Variants in RGS6 observed in about 807,000 individuals in gnomAD.
RGS6 encodes the protein regulator of G-protein signaling 6.
Under a neutral mutation model 78.5 loss-of-function variants are expected in RGS6, and 30 were observed. The observed-to-expected ratio is 0.38, with a 90% confidence interval of 0.29 to 0.52. The LOEUF is 0.52. Ranked by LOEUF, RGS6 falls within the 20% of genes least tolerant of loss-of-function variation. The pLI is 0.85. For missense variants in RGS6, 495 were observed against 609.7 expected, an observed-to-expected ratio of 0.81 and a Z score of 1.98; for synonymous variants, 206 against 206.0, an observed-to-expected ratio of 1.00 and a Z score of 0.00.
At position 72,565,395 on chromosome 14, in the gene RGS6, C is replaced by T. The variant is rs3742843; in HGVS notation, c.*2928C>T. 0.13 allele frequency: 19,839 copies of T among 152,308 alleles called. 1,399 individuals carry two copies. The highest frequency in any genetic ancestry group is 0.28 in the South Asian group (1,363 of 4,816). The allele number at this position is 152,308 out of a possible 1,614,324, so 9.4% of individuals were successfully genotyped here. On this transcript the variant is annotated 3_prime_UTR_variant, in exon 18 of 18. Coordinates refer to ENST00000553525, the MANE Select transcript of RGS6 (RefSeq NM_001204424.2). ...AAGCTTGTAGGCTGGCACATATAAA[C>T]GTCCAGCCGCAGCCAGATGGCCTGA...
intron 3 of RGS6, among the ~76,000 whole-genome samples, chr14:72,359,946 G>T (rs1420998933): frequency 6.6e-6 from 1 of 152,150 alleles, no homozygotes; most frequent in Non-Finnish European, 1.5e-5. Context: ...GTGATTCGAG[G>T]TGCTAAGACA....
intron 15 of RGS6, among the ~76,000 whole-genome samples, chr14:72,523,907 C>T (rs2097086718): frequency 6.6e-6 from 1 of 152,096 alleles, no homozygotes; most frequent in East Asian, 1.9e-4. Flanking sequence ...CCTTAAAGGA[C>T]CTGCATTGTC....
At chr14:72,028,027 G>C (rs1050485587) in intron 2 of RGS6, among the ~76,000 whole-genome samples, 3 of 152,228 alleles carry the variant, frequency 2.0e-5, no homozygotes, top group African/African-American at 7.2e-5. Flanking sequence ...GGGTGACTGC[G>C]TGTTTGTGCT....
At chr14:71,995,390 G>T (rs1209065444) in intron 2 of RGS6, among the ~76,000 whole-genome samples, 4 of 152,206 alleles carry the variant, frequency 2.6e-5, no homozygotes, top group Non-Finnish European at 5.9e-5. Context: ...CAGACCCTGT[G>T]GGCATTGGAG....
intron 17 of RGS6, chr14:72,540,737 G>A (rs185596127): frequency 2.5e-5 from 32 of 1,291,530 alleles, no homozygotes; most frequent in African/African-American, 7.5e-5. Flanking sequence ...GAATCCCTGC[G>A]GTGTCCTGGG....
intron 3 of RGS6, among the ~76,000 whole-genome samples, chr14:72,372,407 A>C (rs2083691644): frequency 6.6e-6 from 1 of 152,272 alleles, no homozygotes; most frequent in Non-Finnish European, 1.5e-5. Context: ...AGATCCAAGA[A>C]GGAAATCATT....
chr14:71,936,030 A>ATATATATATATATATATATATG (rs1555390437), intron 1 of RGS6, among the ~76,000 whole-genome samples: 20 of 133,214 alleles, frequency 1.5e-4, no homozygotes, highest in African/African-American at 5.3e-4. Flanking sequence ...ATATATATAT[A>ATATATATATATATATATATATG]TATATATATA....
chr14:72,415,242 G>A (rs903903995), intron 3 of RGS6, among the ~76,000 whole-genome samples: 21 of 152,236 alleles, frequency 1.4e-4, no homozygotes, highest in Non-Finnish European at 2.9e-4. Context: ...GGCAATGGCG[G>A]GTGCCCCTCC....
At chr14:72,618,627 T>C in the RGS6 span, among the ~76,000 whole-genome samples, 1 of 152,110 alleles carries the variant, frequency 6.6e-6, no homozygotes, top group Admixed American at 6.6e-5. Context: ...TTTCCTCCCA[T>C]GTCTCTGCGC....
intron 17 of RGS6, among the ~76,000 whole-genome samples, chr14:72,543,294 C>T (rs1008014041): frequency 2.6e-5 from 4 of 152,192 alleles, no homozygotes; most frequent in Non-Finnish European, 5.9e-5. Context: ...TATTGATCCT[C>T]AGCTGCCCTG....
intron 15 of RGS6, among the ~76,000 whole-genome samples, chr14:72,528,737 C>T (rs1053419165): frequency 6.6e-6 from 1 of 152,194 alleles, no homozygotes; most frequent in Admixed American, 6.5e-5. Context: ...AGAGAGCACG[C>T]GGGCCAGCAC....
At chr14:72,535,688 C>T (rs2097241205) in intron 15 of RGS6, among the ~76,000 whole-genome samples, 1 of 152,206 alleles carries the variant, frequency 6.6e-6, no homozygotes, top group South Asian at 2.1e-4. Flanking sequence ...ATAACCACAC[C>T]TCCCTTGCTC....
chr14:72,519,776 G>A lies in RGS6; in HGVS notation c.1278+1239G>A, dbSNP rs574052502. ...TGCTTTCAAGCACCATATTGACATGGCCAGAGAGGAGAGTGACAGGGGAGT... is the reference window on the plus strand; with the variant it reads ...TGCTTTCAAGCACCATATTGACATGACCAGAGAGGAGAGTGACAGGGGAGT... On this transcript the variant is annotated intron_variant, in intron 15 of 17. Coordinates refer to ENST00000553525, the MANE Select transcript of RGS6 (RefSeq NM_001204424.2). Among the ~76,000 whole-genome samples, 4 of 152,254 alleles carry A rather than the reference G, an allele frequency of 2.6e-5. No homozygotes were observed. In the South Asian group the frequency reaches 6.2e-4, roughly 24 times the overall value.
intron 17 of RGS6, among the ~76,000 whole-genome samples, chr14:72,542,524 C>A (rs867286448): frequency 4.6e-5 from 7 of 152,240 alleles, no homozygotes; most frequent in Non-Finnish European, 1.5e-5. Flanking sequence ...AGTTCAATAG[C>A]ATTCCTGTGT....
intron 3 of RGS6, among the ~76,000 whole-genome samples, chr14:72,417,164 G>A (rs2093875018): frequency 6.6e-6 from 1 of 152,218 alleles, no homozygotes; most frequent in South Asian, 2.1e-4. Flanking sequence ...GGTTTCTTCA[G>A]CGCTCCCTGC....
At chr14:72,578,335 C>A in the RGS6 span, among the ~76,000 whole-genome samples, 1 of 152,158 alleles carries the variant, frequency 6.6e-6, no homozygotes, top group Non-Finnish European at 1.5e-5. Context: ...AGGAGGCAAC[C>A]TCTAACCCTC....
chr14:72,140,874 TC>T (rs2096529929), intron 2 of RGS6, among the ~76,000 whole-genome samples: 1 of 152,246 alleles, frequency 6.6e-6, no homozygotes, highest in African/African-American at 2.4e-5. Flanking sequence ...CTGCTGGTGT[TC>T]CTGTCATTCA....
intron 13 of RGS6, among the ~76,000 whole-genome samples, chr14:72,509,787 T>C (rs1490347500): frequency 6.6e-6 from 1 of 152,100 alleles, no homozygotes; most frequent in Non-Finnish European, 1.5e-5. Context: ...TGATGAAAGA[T>C]TGGGTCCATG....
the RGS6 span, among the ~76,000 whole-genome samples, chr14:71,893,815 A>T: frequency 6.6e-6 from 1 of 152,188 alleles, no homozygotes; most frequent in East Asian, 1.9e-4. Flanking sequence ...GAACTATAGG[A>T]CACAAAGACA....
Sources: gnomAD v4.1 joint callset for allele counts (sites outside exome capture counted in the v4.1 genomes callset) on GRCh38, gnomAD v4.1.1 for gene constraint, MANE v1.5 for transcripts, NCBI Gene and HGNC (gene_info 2026-07-23, HGNC 2026-07-21) for gene names.